PRKN: variants seen among roughly 807,000 people sequenced by gnomAD.
PRKN encodes parkin RBR E3 ubiquitin protein ligase.
A neutral mutation model predicts 59.5 loss-of-function variants in PRKN; 56 were observed. That is an observed-to-expected ratio of 0.94 (90% CI 0.76 to 1.18). PRKN has a LOEUF of 1.18. Ranked by LOEUF, PRKN falls within the 50% of genes most tolerant of loss-of-function variation. The pLI is 0.00. For missense variants in PRKN, 657 were observed against 596.4 expected, an observed-to-expected ratio of 1.10 and a Z score of -1.06; for synonymous variants, 250 against 222.1, an observed-to-expected ratio of 1.13 and a Z score of -1.12.
chr6:162,338,945 C>A (rs1783989903), intron 2 of PRKN, among the ~76,000 whole-genome samples: 2 of 151,002 alleles, frequency 1.3e-5, no homozygotes, highest in South Asian at 2.1e-4. Flanking sequence ...CCGGCCGCGA[C>A]CCCGTCTGGG....
In PRKN at chr6:161,813,387, A is replaced by G. The variant is rs138088142; in HGVS notation, c.735-27479T>C. Among the ~76,000 whole-genome samples, 339 of 152,246 alleles carry G rather than the reference A, an allele frequency of 2.2e-3. 2 individuals are homozygous for G. The highest frequency in any genetic ancestry group is 7.8e-3 in the African/African-American group (326 of 41,546). Reference sequence around the variant, plus strand: ...GCGAGGCGGTGCAGTATCTGTGGACAGCTTCTGGCTGATGCCTGCCACATG... The same window carrying G: ...GCGAGGCGGTGCAGTATCTGTGGACGGCTTCTGGCTGATGCCTGCCACATG... On this transcript the variant is annotated intron_variant, in intron 6 of 11. Coordinates refer to ENST00000366898, the MANE Select transcript of PRKN (RefSeq NM_004562.3).
chr6:162,435,477 T>C (rs1030229441), intron 2 of PRKN, among the ~76,000 whole-genome samples: 7 of 152,290 alleles, frequency 4.6e-5, no homozygotes, highest in African/African-American at 1.4e-4. Flanking sequence ...TTCTGAATTA[T>C]GCAAAGAGGT....
At chr6:161,758,418 CACA>C (rs1271059384) in intron 7 of PRKN, among the ~76,000 whole-genome samples, 1 of 151,992 alleles carries the variant, frequency 6.6e-6, no homozygotes, top group Non-Finnish European at 1.5e-5. Context: ...TTTTCTTATA[CACA>C]ACAATGATAA....
At chr6:162,257,525 A>G (rs963948039) in intron 3 of PRKN, among the ~76,000 whole-genome samples, 2 of 152,118 alleles carry the variant, frequency 1.3e-5, no homozygotes, top group Non-Finnish European at 2.9e-5. Flanking sequence ...ATTTTACATA[A>G]GCTCTGAAGT....
intron 5 of PRKN, among the ~76,000 whole-genome samples, chr6:162,048,466 G>A (rs964805510): frequency 2.1e-4 from 32 of 152,072 alleles, no homozygotes; most frequent in African/African-American, 7.7e-4. Flanking sequence ...GATGACAGTG[G>A]ACCTCAGTGT....
intron 7 of PRKN, among the ~76,000 whole-genome samples, chr6:161,631,160 C>A (rs1214282862): frequency 6.6e-6 from 1 of 152,184 alleles, no homozygotes; most frequent in Non-Finnish European, 1.5e-5. Flanking sequence ...CCGTAGCAGA[C>A]AGGAGTGCCC....
At chr6:161,408,300 T>A (rs1266020919) in intron 9 of PRKN, among the ~76,000 whole-genome samples, 1 of 139,186 alleles carries the variant, frequency 7.2e-6, no homozygotes, top group East Asian at 2.0e-4. Context: ...GACACACAAT[T>A]AAGGGTGAAA....
chr6:162,494,652 T>C (rs543766638), intron 1 of PRKN, among the ~76,000 whole-genome samples: 26 of 152,328 alleles, frequency 1.7e-4, no homozygotes, highest in African/African-American at 5.8e-4. Flanking sequence ...GGGATTGTAA[T>C]TGTGAAGATC....
chr6:161,370,153 G>C (rs953991896), intron 10 of PRKN, among the ~76,000 whole-genome samples: 2 of 152,014 alleles, frequency 1.3e-5, no homozygotes, highest in African/African-American at 4.8e-5. Context: ...CACAAGTATG[G>C]GAGGCCGAGG....
rs1554251151 is a variant in PRKN, at chr6:161,352,755, G to GTATATATATATATATATATATATATA, written c.1286-2545_1286-2544insTATATATATATATATATATATATATA. ...TGTGTGTGTGTGTGTGTGTGTGTGT[G>GTATATATATATATATATATATATATA]TATATATATATATATATTTTATTTT... On this transcript the variant is annotated intron_variant, in intron 11 of 11. Transcript: ENST00000366898. This position sits in a 1 kb window ranked among gnomAD's most constrained non-coding sequence, Gnocchi z 5.8. Among the ~76,000 whole-genome samples the GTATATATATATATATATATATATATA allele has an allele frequency of 1.5e-5, 2 of 134,368 alleles. No individual in the cohort carries two copies. Among genetic ancestry groups the GTATATATATATATATATATATATATA allele is most frequent in the African/African-American group, 5.6e-5 (2 of 35,778 alleles). 88.2% of individuals were successfully genotyped at this position (134,368 alleles called of 152,430 possible).
intron 6 of PRKN, among the ~76,000 whole-genome samples, chr6:161,836,683 G>A (rs1196449129): frequency 1.3e-5 from 2 of 152,152 alleles, no homozygotes; most frequent in Non-Finnish European, 2.9e-5. Context: ...AAAATGGAAG[G>A]TAGAAAACAG....
At chr6:162,545,385 T>G (rs1033587701) in intron 1 of PRKN, among the ~76,000 whole-genome samples, 1 of 152,148 alleles carries the variant, frequency 6.6e-6, no homozygotes, top group South Asian at 2.1e-4. Context: ...CCAGTCTTGA[T>G]TTCTGTGAAC....
intron 3 of PRKN, among the ~76,000 whole-genome samples, chr6:162,214,166 TCAAA>T (rs1777534746): frequency 6.6e-6 from 1 of 152,170 alleles, no homozygotes; most frequent in East Asian, 1.9e-4. Flanking sequence ...GGGGAACAGA[TCAAA>T]CAAATAGGCA....
At chr6:162,265,698 T>C (rs986643048) in intron 2 of PRKN, among the ~76,000 whole-genome samples, 5 of 152,012 alleles carry the variant, frequency 3.3e-5, no homozygotes. Context: ...AAAACAGAAC[T>C]TCCCAGAAAG....
chr6:161,739,974 C>T (rs369374696), intron 7 of PRKN, among the ~76,000 whole-genome samples: 3 of 152,096 alleles, frequency 2.0e-5, no homozygotes, highest in Non-Finnish European at 2.9e-5. Flanking sequence ...CGGCTGGTCT[C>T]GAACTCCTGA....
Position 161,349,827 on chromosome 6 carries a change from T to C in PRKN, c.*272A>G. 1.9e-6 allele frequency: 1 copy of C among 537,388 alleles called. No individual in the cohort carries two copies. Among genetic ancestry groups the C allele is most frequent in the African/African-American group, 1.9e-5 (1 of 53,028 alleles). 33.3% of individuals were successfully genotyped at this position (537,388 alleles called of 1,614,324 possible). A position where few individuals can be genotyped will look rare whatever the true frequency, so the allele number is the denominator to read the frequency against. On this transcript the variant is annotated 3_prime_UTR_variant, in exon 12 of 12. Coordinates refer to ENST00000366898, the MANE Select transcript of PRKN (RefSeq NM_004562.3). This position sits in a 1 kb window ranked among gnomAD's most constrained non-coding sequence, Gnocchi z 5.5. ...AGGCTGAGAACGCCTGTTGGTGGTG[T>C]CGCAGATGGCTCTGCTGTCTTGTGT...
rs1318378389 is a variant in PRKN at position 161,480,596 on chromosome 6, C to A, written c.1083+68258G>T. ...TTCTGGGCTTTGGGGCACAAGGAGC[C>A]AAGTACACTATTACAGGAAGCAGAC... On this transcript the variant is annotated intron_variant, in intron 9 of 11. Coordinates refer to ENST00000366898, the MANE Select transcript of PRKN (RefSeq NM_004562.3). This position sits in a 1 kb window ranked among gnomAD's most constrained non-coding sequence, Gnocchi z 4.1. Among the ~76,000 whole-genome samples the A allele has an allele frequency of 6.6e-6, 1 of 152,120 alleles. No individual in the cohort carries two copies.
chr6:162,507,822 G>A (rs1373649361), intron 1 of PRKN, among the ~76,000 whole-genome samples: 1 of 152,166 alleles, frequency 6.6e-6, no homozygotes, highest in African/African-American at 2.4e-5. Flanking sequence ...ATTCTGCACA[G>A]ATCCGACATG....
Position 161,897,146 on chromosome 6 carries a change from G to A in PRKN, c.734+76156C>T, listed in dbSNP as rs117036917. ...TAAACAGCCGATAGCTGAGCCAACA[G>A]TGTTCAATACTCATATCCTCTTCTT... is the stretch of plus-strand genomic sequence containing the variant. On this transcript the variant is annotated intron_variant, in intron 6 of 11. Transcript: ENST00000366898. 2.8e-3 allele frequency among the ~76,000 whole-genome samples: 432 copies of A among 152,344 alleles called. 6 individuals are homozygous for A. Among genetic ancestry groups the A allele is most frequent in the South Asian group, 3.5e-3 (17 of 4,830 alleles).
Sources: allele counts gnomAD v4.1 joint callset (sites outside exome capture counted in the v4.1 genomes callset), GRCh38; gene constraint gnomAD v4.1.1; non-coding constraint Gnocchi (gnomAD v3.1); transcripts MANE v1.5; gene names NCBI Gene and HGNC (gene_info 2026-07-23, HGNC 2026-07-21).